Variants in BTNL8 observed in about 807,000 individuals in gnomAD.
BTNL8 encodes butyrophilin like 8.
A neutral mutation model predicts 36.1 loss-of-function variants in BTNL8; 22 were observed. That is an observed-to-expected ratio of 0.61 (90% CI 0.44 to 0.87). BTNL8 has a LOEUF of 0.87. Ranked by LOEUF, BTNL8 falls within the 40% of genes least tolerant of loss-of-function variation. BTNL8 has a pLI of 0.00. For synonymous variants in BTNL8, 203 were observed against 235.6 expected (o/e 0.86, Z 1.27); for missense variants, 526 against 616.9 (o/e 0.85, Z 1.56).
chr5:180,937,397 T>C (rs1242646832), intron 3 of BTNL8, among the ~76,000 whole-genome samples: 1 of 152,198 alleles, frequency 6.6e-6, no homozygotes, highest in African/African-American at 2.4e-5. Flanking sequence ...ACTTCCAATG[T>C]TGATTACAGC....
chr5:180,944,942 G>A (rs937657415), intron 3 of BTNL8, among the ~76,000 whole-genome samples: 5 of 152,052 alleles, frequency 3.3e-5, no homozygotes, highest in African/African-American at 4.8e-5. Context: ...AGATTCTAAC[G>A]TCACTTTTCA....
chr5:180,923,524 T>C (rs1469000857), intron 3 of BTNL8, among the ~76,000 whole-genome samples: 1 of 152,042 alleles, frequency 6.6e-6, no homozygotes, highest in Non-Finnish European at 1.5e-5. Flanking sequence ...TTTCATCTGA[T>C]AGAAAGCTAT....
chr5:180,927,343 C>G (rs111650398), intron 3 of BTNL8, among the ~76,000 whole-genome samples: 3,362 of 152,208 alleles, frequency 0.022, 45 homozygotes, highest in Middle Eastern at 0.051. Flanking sequence ...CATCAAAAAC[C>G]AAAGGTAGAT....
intron 3 of BTNL8, among the ~76,000 whole-genome samples, chr5:180,942,400 C>T (rs757776153): frequency 4.6e-5 from 7 of 152,148 alleles, no homozygotes; most frequent in Non-Finnish European, 1.0e-4. Context: ...CAATCCTTAT[C>T]AAAATACCAA....
chr5:180,947,486 A>C, intron 3 of BTNL8, 26 bp from the exon 4 acceptor site: 1 of 1,609,310 alleles, frequency 6.2e-7, no homozygotes, highest in Non-Finnish European at 8.5e-7. Context: ...ACCAATAACT[A>C]AAATGTCTGT....
chr5:180,902,618 G>A (rs1285709175), intron 1 of BTNL8, among the ~76,000 whole-genome samples: 1 of 150,462 alleles, frequency 6.6e-6, no homozygotes, highest in Non-Finnish European at 1.5e-5. Flanking sequence ...CTGGTGCGCT[G>A]CACCCACTAA....
chr5:180,948,307 C>A (rs1457571276), intron 4 of BTNL8, 48 bp from the exon 5 acceptor site: 2 of 1,464,328 alleles, frequency 1.4e-6, no homozygotes, highest in African/African-American at 2.7e-5. Context: ...CGTGTTTGTG[C>A]CTTGTACACT....
chr5:180,929,454 A>T (rs1417843657), intron 3 of BTNL8, among the ~76,000 whole-genome samples: 1 of 152,212 alleles, frequency 6.6e-6, no homozygotes, highest in Non-Finnish European at 1.5e-5. Context: ...GACAAGAAAT[A>T]ACTAAGATAA....
intron 2 of BTNL8, among the ~76,000 whole-genome samples, chr5:180,909,149 C>A (rs1421698814): frequency 6.6e-6 from 1 of 152,118 alleles, no homozygotes; most frequent in African/African-American, 2.4e-5. Flanking sequence ...TAGAACTACC[C>A]CATCATCACG....
chr5:180,916,523 A>T (rs574576064), intron 3 of BTNL8, among the ~76,000 whole-genome samples: 1 of 152,156 alleles, frequency 6.6e-6, no homozygotes, highest in Non-Finnish European at 1.5e-5. Context: ...AAGATCAATA[A>T]AACTAAATGT....
chr5:180,901,800 CTAAAA>C lies in BTNL8; in HGVS notation c.49+2446_49+2450del, dbSNP rs535031080. 4.0e-3 allele frequency among the ~76,000 whole-genome samples: 614 copies of C among 152,194 alleles called. 6 individuals carry two copies. The highest frequency in any genetic ancestry group is 0.013 in the African/African-American group (558 of 41,520). On this transcript the variant is annotated intron_variant, in intron 1 of 7. Transcript: ENST00000340184. Reference sequence around the variant, plus strand: ...GCACTAGGCGAACCACCTTTCAGTGCTAAAATAAAGTGGAAAAAATTACTACACAA... The same window carrying C: ...GCACTAGGCGAACCACCTTTCAGTGCTAAAGTGGAAAAAATTACTACACAA...
chr5:180,924,880 T>C (rs1386375258), intron 3 of BTNL8, among the ~76,000 whole-genome samples: 1 of 152,004 alleles, frequency 6.6e-6, no homozygotes, highest in Non-Finnish European at 1.5e-5. Flanking sequence ...TTCAGGAAAC[T>C]ACAAGAAAAT....
At chr5:180,902,284 C>A in intron 1 of BTNL8, 1 of 1,443,686 alleles carries the variant, frequency 6.9e-7, no homozygotes, top group Non-Finnish European at 9.5e-7. Context: ...AGACTTTTTC[C>A]TCTGGATAAC....
intron 3 of BTNL8, among the ~76,000 whole-genome samples, chr5:180,917,093 T>C (rs7711189): frequency 0.23 from 27,461 of 117,300 alleles, 4,408 homozygotes; most frequent in Admixed American, 0.28. Context: ...AAGGTTAGAC[T>C]ATGGCACTAT....
rs533299844 is a variant in BTNL8 at position 180,935,162 on chromosome 5, G to A, written c.674-12350G>A. On this transcript the variant is annotated intron_variant, in intron 3 of 7. Transcript: ENST00000340184. The surrounding 1 kb of genome is among the most constrained non-coding windows in gnomAD (Gnocchi z 4.8). ...GTTCATGGATGGCCATGGGTGGCTG[G>A]GAAAAAGCACCATAAATTCTGACTC... is the stretch of plus-strand genomic sequence containing the variant. Among the ~76,000 whole-genome samples the A allele has an allele frequency of 1.4e-4, 22 of 152,274 alleles. No homozygotes were observed. The highest frequency in any genetic ancestry group is 5.2e-4 in the Admixed American group (8 of 15,298).
intron 2 of BTNL8, among the ~76,000 whole-genome samples, 174 bp downstream of exon 2, chr5:180,909,107 T>A (rs1390522929): frequency 6.6e-6 from 1 of 152,206 alleles, no homozygotes; most frequent in Non-Finnish European, 1.5e-5. Flanking sequence ...GTCACATGTT[T>A]AAATTCAGGT....
chr5:180,922,334 T>C (rs1221910081), intron 3 of BTNL8, among the ~76,000 whole-genome samples: 3 of 152,098 alleles, frequency 2.0e-5, no homozygotes, highest in African/African-American at 4.8e-5. Context: ...TGTTTAGTGC[T>C]ATAAAGTTCC....
chr5:180,937,589 T>A (rs1425836966), intron 3 of BTNL8, among the ~76,000 whole-genome samples: 4 of 151,704 alleles, frequency 2.6e-5, no homozygotes, highest in African/African-American at 9.7e-5. Context: ...AGAGCAGAAA[T>A]AGAGAGTAGA....
chr5:180,901,090 T>C (rs1472763168), intron 1 of BTNL8, among the ~76,000 whole-genome samples: 2 of 152,170 alleles, frequency 1.3e-5, no homozygotes. Context: ...CAACATCTGC[T>C]ACACCAGGTC....
Sources: allele counts gnomAD v4.1 joint callset (sites outside exome capture counted in the v4.1 genomes callset), GRCh38; gene constraint gnomAD v4.1.1; non-coding constraint Gnocchi (gnomAD v3.1); transcripts MANE v1.5; gene names NCBI Gene and HGNC (gene_info 2026-07-23, HGNC 2026-07-21).